The following PCDHGA2 variants were observed in gnomAD, a reference collection of about 807,000 sequenced individuals.
PCDHGA2 encodes protocadherin gamma-A2.
In PCDHGA2, 40 loss-of-function variants were observed where a neutral mutation model predicts 59.2. The ratio of observed to expected loss-of-function variants is 0.68; its 90% CI spans 0.52 to 0.88. PCDHGA2 has a LOEUF of 0.88. PCDHGA2 is among the 40% of genes least tolerant of loss of function. The pLI is 0.00. For missense variants in PCDHGA2, 1,226 were observed against 1,204.0 expected (o/e 1.02, Z -0.27); for synonymous variants, 560 against 526.0 (o/e 1.06, Z -0.89).
At chr5:141,409,030 G>C (rs377547144) in intron 1 of PCDHGA2, 2 of 1,614,010 alleles carry the variant, frequency 1.2e-6, no homozygotes, top group South Asian at 2.2e-5. Context: ...TCAATGCTGA[G>C]ATAAACTACT....
At chr5:141,408,188 G>A in intron 1 of PCDHGA2, 6 of 1,543,620 alleles carry the variant, frequency 3.9e-6, no homozygotes, top group Non-Finnish European at 4.4e-6. Flanking sequence ...GACCCAGCGA[G>A]AACCCGAGCG....
At chr5:141,366,023 C>T (rs762756042) in intron 1 of PCDHGA2, 4 of 1,614,122 alleles carry the variant, frequency 2.5e-6, no homozygotes, top group Non-Finnish European at 1.7e-6. Flanking sequence ...GATCCTGTAC[C>T]CCGCCCTCCC....
At position 141,433,030 on chromosome 5, in the gene PCDHGA2, T is replaced by C. The variant is rs116611363; in HGVS notation, c.2425-61777T>C. ...TCCTGCAGACCTATTCCCACGAGGTTTCCCTCACCACGGACTCGCGGAAGA... is the reference window on the plus strand; with the variant it reads ...TCCTGCAGACCTATTCCCACGAGGTCTCCCTCACCACGGACTCGCGGAAGA... On this transcript the variant is annotated intron_variant, in intron 1 of 3. Transcript: ENST00000394576. 10,352 of 1,614,096 alleles carry C rather than the reference T, an allele frequency of 6.4e-3. 43 individuals are homozygous for C. The highest frequency in any genetic ancestry group is 8.6e-3 in the Middle Eastern group (52 of 6,062).
At chr5:141,503,598 CAAAAAAAAAAAA>C (rs765754054) in intron 2 of PCDHGA2, among the ~76,000 whole-genome samples, 11 of 65,762 alleles carry the variant, frequency 1.7e-4, no homozygotes, top group Admixed American at 3.4e-4. Context: ...GACTCCAGCT[CAAAAAAAAAAAA>C]AAAAGAAAAA....
In PCDHGA2 at chr5:141,489,372, G is replaced by A. The variant is rs1335356378; in HGVS notation, c.2425-5435G>A. 2 of 1,613,814 alleles carry A rather than the reference G, an allele frequency of 1.2e-6. No individual in the cohort carries two copies. Among genetic ancestry groups the A allele is most frequent in the Non-Finnish European group, 1.7e-6 (2 of 1,179,700 alleles). On this transcript the variant is annotated intron_variant, in intron 1 of 3. Transcript: ENST00000394576. The surrounding 1 kb of genome is among the most constrained non-coding windows in gnomAD (Gnocchi z 4.5). ...TGGAGGAGTCTGAGCCGGGGACGCT[G>A]GTGGGGAATGTTGCTCAGGATCTGG...
intron 1 of PCDHGA2, chr5:141,404,714 G>A: frequency 3.1e-6 from 5 of 1,614,068 alleles, no homozygotes; most frequent in Non-Finnish European, 4.2e-6. Flanking sequence ...TGGCTACCTG[G>A]TGACCAAGGT....
At chr5:141,424,945 C>A (rs2096849463) in intron 1 of PCDHGA2, among the ~76,000 whole-genome samples, 1 of 152,186 alleles carries the variant, frequency 6.6e-6, no homozygotes, top group Admixed American at 6.5e-5. Flanking sequence ...TCTCACATCA[C>A]TTCTAGGTAT....
chr5:141,399,300 C>T (rs985419238), intron 1 of PCDHGA2: 3 of 1,613,792 alleles, frequency 1.9e-6, no homozygotes, highest in Non-Finnish European at 2.5e-6. Flanking sequence ...TTAAGATTAT[C>T]TCTTCATCCA....
At chr5:141,410,748 C>G in intron 1 of PCDHGA2, 1 of 1,245,396 alleles carries the variant, frequency 8.0e-7, no homozygotes, top group Non-Finnish European at 1.1e-6. Flanking sequence ...AATATTTTCT[C>G]AATGTTTTTT....
At chr5:141,484,789 A>T (rs1215899787) in intron 1 of PCDHGA2, among the ~76,000 whole-genome samples, 1 of 152,132 alleles carries the variant, frequency 6.6e-6, no homozygotes, top group Non-Finnish European at 1.5e-5. Flanking sequence ...CCACAGAGAT[A>T]ACAACCCGTG....
chr5:141,340,742 G>A lies in PCDHGA2; in HGVS notation c.1771G>A (p.Val591Met), dbSNP rs528378517. 1 of 1,614,086 alleles carries A rather than the reference G, an allele frequency of 6.2e-7. No individual in the cohort carries two copies. The highest frequency in any genetic ancestry group is 8.5e-7 in the Non-Finnish European group (1 of 1,180,038). Residue 591 changes from valine to methionine, a missense_variant, in exon 1 of 4, where the codon GTG (valine) becomes ATG (methionine). Coordinates refer to ENST00000394576, the MANE Select transcript of PCDHGA2 (RefSeq NM_018915.4). The stretch of plus-strand genomic sequence containing the variant: ...AGAGCCCGGCTACCTGGTGACCAAG[G>A]TGGTGGCGGTGGACAGAGACTCGGG... Reference protein sequence around the residue: ...SAEPGYLVTKVVAVDRDSGQN... With the variant: ...SAEPGYLVTKMVAVDRDSGQN...
chr5:141,343,772 C>G (rs1422185246), intron 1 of PCDHGA2: 1 of 400,352 alleles, frequency 2.5e-6, no homozygotes, highest in East Asian at 4.1e-5. Context: ...AACGGTTAGG[C>G]CTCTTAGTGT....
At chr5:141,344,821 C>A in intron 1 of PCDHGA2, 1 of 1,613,918 alleles carries the variant, frequency 6.2e-7, no homozygotes, top group Non-Finnish European at 8.5e-7. Context: ...CGGCTGCTCA[C>A]GGTGAATGCC....
chr5:141,478,011 G>A (rs1216659966), intron 1 of PCDHGA2: 1 of 1,614,088 alleles, frequency 6.2e-7, no homozygotes, highest in East Asian at 2.2e-5. Flanking sequence ...AGTACTGCCC[G>A]TCCAGTCCAA....
chr5:141,469,880 C>T (rs774827232), intron 1 of PCDHGA2, among the ~76,000 whole-genome samples: 7 of 152,210 alleles, frequency 4.6e-5, no homozygotes, highest in East Asian at 1.9e-4. Flanking sequence ...CCTGTAATCT[C>T]GGCACTTTGG....
intron 1 of PCDHGA2, chr5:141,383,689 G>A (rs773858539): frequency 1.9e-6 from 3 of 1,614,036 alleles, no homozygotes; most frequent in South Asian, 1.1e-5. Flanking sequence ...ACTGCTCACG[G>A]TACATGCTAT....
rs754652710 is a variant in PCDHGA2 at position 141,476,367 on chromosome 5, G to A, written c.2425-18440G>A. Reference sequence around the variant, plus strand: ...TTCTTTGAGGTGAACCGGGAGACCGGAGAGATGTTTGTGAACGACCGTCTG... The same window carrying A: ...TTCTTTGAGGTGAACCGGGAGACCGAAGAGATGTTTGTGAACGACCGTCTG... On this transcript the variant is annotated intron_variant, in intron 1 of 3. Coordinates refer to ENST00000394576, the MANE Select transcript of PCDHGA2 (RefSeq NM_018915.4). The surrounding 1 kb of genome is among the most constrained non-coding windows in gnomAD (Gnocchi z 7.6). The A allele has an allele frequency of 2.5e-6, 4 of 1,614,172 alleles. No homozygotes were observed. In the South Asian group the frequency reaches 3.3e-5, roughly 13 times the overall value.
chr5:141,403,961 G>T (rs763967342), intron 1 of PCDHGA2: 14 of 1,613,774 alleles, frequency 8.7e-6, no homozygotes, highest in Middle Eastern at 1.6e-4. Context: ...GCTCATTTCG[G>T]TGGAAGATGT....
In PCDHGA2 at chr5:141,489,180, C is replaced by T. The variant is rs942218118; in HGVS notation, c.2425-5627C>T. 7.9e-7 allele frequency: 1 copy of T among 1,259,748 alleles called. No homozygotes were observed. The highest frequency in any genetic ancestry group is 2.0e-4 in the Middle Eastern group (1 of 5,096). The allele number at this position is 1,259,748 out of a possible 1,614,324, so 78.0% of individuals were successfully genotyped here. A position where few individuals can be genotyped will look rare whatever the true frequency, so the allele number is the denominator to read the frequency against. On this transcript the variant is annotated intron_variant, in intron 1 of 3. Coordinates refer to ENST00000394576, the MANE Select transcript of PCDHGA2 (RefSeq NM_018915.4). This position sits in a 1 kb window ranked among gnomAD's most constrained non-coding sequence, Gnocchi z 4.5. ...GACTTCAGCTGCTGCATTCCAAGCCCTGGGTCTACCTTGGAGACAGGACAG... is the reference window on the plus strand; with the variant it reads ...GACTTCAGCTGCTGCATTCCAAGCCTTGGGTCTACCTTGGAGACAGGACAG...
Sources: allele counts gnomAD v4.1 joint callset (sites outside exome capture counted in the v4.1 genomes callset), GRCh38; gene constraint gnomAD v4.1.1; non-coding constraint Gnocchi (gnomAD v3.1); transcripts MANE v1.5; gene names NCBI Gene and HGNC (gene_info 2026-07-23, HGNC 2026-07-21).